Variants in MAN1A1 observed in about 807,000 individuals in gnomAD.
MAN1A1 encodes mannosidase alpha class 1A member 1.
A neutral mutation model predicts 70.8 loss-of-function variants in MAN1A1; 29 were observed. That is an observed-to-expected ratio of 0.41 (90% CI 0.31 to 0.56). The LOEUF is 0.56. Among genes scored for constraint, MAN1A1 ranks in the 20% least tolerant of loss-of-function variants. The pLI is 0.29. For synonymous variants in MAN1A1, 349 were observed against 330.1 expected (o/e 1.06, Z -0.62); for missense variants, 747 against 841.3 (o/e 0.89, Z 1.39).
intron 10 of MAN1A1, 23 bp downstream of exon 10, chr6:119,189,641 A>T (rs1392553034): frequency 2.5e-6 from 4 of 1,606,936 alleles, no homozygotes; most frequent in Non-Finnish European, 3.4e-6. Context: ...ATAGACCATA[A>T]ATGAAGAATA....
chr6:119,203,821 A>G (rs544731291), intron 7 of MAN1A1, among the ~76,000 whole-genome samples: 1 of 152,270 alleles, frequency 6.6e-6, no homozygotes, highest in East Asian at 1.9e-4. Flanking sequence ...GGAGATGTTT[A>G]ATAAACAGAT....
At chr6:119,217,561 C>T (rs559523413) in intron 6 of MAN1A1, among the ~76,000 whole-genome samples, 64 of 152,262 alleles carry the variant, frequency 4.2e-4, no homozygotes, top group African/African-American at 1.5e-3. Flanking sequence ...CCACTGCGCT[C>T]GGCAGCAAAT....
chr6:119,206,040 G>C (rs1773850852), intron 6 of MAN1A1, among the ~76,000 whole-genome samples: 1 of 152,186 alleles, frequency 6.6e-6, no homozygotes, highest in South Asian at 2.1e-4. Context: ...GATCACAGAA[G>C]ACTTCTTCAA....
intron 7 of MAN1A1, among the ~76,000 whole-genome samples, chr6:119,203,901 G>A (rs1474552765): frequency 6.6e-6 from 1 of 152,084 alleles, no homozygotes; most frequent in East Asian, 1.9e-4. Flanking sequence ...TATAGAGATG[G>A]TATGTAAAGC....
At chr6:119,185,663 G>A (rs1180661323) in intron 11 of MAN1A1, among the ~76,000 whole-genome samples, 1 of 151,560 alleles carries the variant, frequency 6.6e-6, no homozygotes, top group African/African-American at 2.4e-5. Flanking sequence ...TGCAAGCTCC[G>A]CCTCCTGGGT....
chr6:119,324,458 T>A (rs1773097237), intron 2 of MAN1A1, among the ~76,000 whole-genome samples: 1 of 152,114 alleles, frequency 6.6e-6, no homozygotes, highest in African/African-American at 2.4e-5. Flanking sequence ...GCATGAGGGG[T>A]TGGTGCCCCA....
intron 5 of MAN1A1, among the ~76,000 whole-genome samples, chr6:119,248,704 A>G (rs1172330562): frequency 6.6e-6 from 1 of 152,176 alleles, no homozygotes; most frequent in Non-Finnish European, 1.5e-5. Flanking sequence ...GGTGATTTCA[A>G]TGTGCAAGCC....
chr6:119,349,239 C>T lies in MAN1A1; in HGVS notation c.-174G>A, dbSNP rs1264520851. The T allele has an allele frequency of 1.7e-6, 2 of 1,211,110 alleles. No individual in the cohort carries two copies. Among genetic ancestry groups the T allele is most frequent in the Non-Finnish European group, 2.1e-6 (2 of 975,066 alleles). The allele number at this position is 1,211,110 out of a possible 1,614,324, so 75.0% of individuals were successfully genotyped here. On this transcript the variant is annotated 5_prime_UTR_variant, in exon 2 of 13. Transcript: ENST00000368468. ...TCCGCGCCGGGTCTTCTCCCCGGGGCGGCTCCTCGGGCACACAGGCACGCG... is the reference window on the plus strand; with the variant it reads ...TCCGCGCCGGGTCTTCTCCCCGGGGTGGCTCCTCGGGCACACAGGCACGCG...
intron 3 of MAN1A1, among the ~76,000 whole-genome samples, chr6:119,302,386 CTT>C (rs796260056): frequency 6.1e-5 from 9 of 146,780 alleles, no homozygotes; most frequent in African/African-American, 9.9e-5. Flanking sequence ...CATTCTCTCT[CTT>C]TTTTTTTTTT....
chr6:119,189,900 T>A lies in MAN1A1; in HGVS notation c.1327-17A>T. On this transcript the variant is annotated splice_polypyrimidine_tract_variant and intron_variant, in intron 9 of 12. Coordinates refer to ENST00000368468, the MANE Select transcript of MAN1A1 (RefSeq NM_005907.4). ...CTCGATAGCCTGTGAAAAACACTTA[T>A]TTTTTAACATTTTGTAATCTCTTCT... 2.5e-6 allele frequency: 4 copies of A among 1,576,228 alleles called. No individual in the cohort carries two copies. The highest frequency in any genetic ancestry group is 3.5e-6 in the Non-Finnish European group (4 of 1,147,760).
At chr6:119,336,936 C>T (rs1249000305) in intron 2 of MAN1A1, among the ~76,000 whole-genome samples, 4 of 151,986 alleles carry the variant, frequency 2.6e-5, no homozygotes, top group Admixed American at 1.3e-4. Context: ...ACTCTACCTA[C>T]TTTAAAAATA....
At chr6:119,204,504 G>C (rs552658419) in intron 7 of MAN1A1, among the ~76,000 whole-genome samples, 1 of 152,294 alleles carries the variant, frequency 6.6e-6, no homozygotes, top group Admixed American at 6.5e-5. Flanking sequence ...CTTCAGATGA[G>C]TTAAGTAACT....
chr6:119,302,919 A>G (rs900784854), intron 3 of MAN1A1, among the ~76,000 whole-genome samples: 1 of 152,152 alleles, frequency 6.6e-6, no homozygotes, highest in African/African-American at 2.4e-5. Context: ...TCTGTGGTTT[A>G]TTTCCTCTGA....
chr6:119,235,212 A>T (rs1229254917), intron 6 of MAN1A1, among the ~76,000 whole-genome samples: 1 of 152,216 alleles, frequency 6.6e-6, no homozygotes. Context: ...CATGCCTCTC[A>T]CCTTAAATCA....
At chr6:119,201,155 A>G in intron 8 of MAN1A1, 99 bp downstream of exon 8, 2 of 877,748 alleles carry the variant, frequency 2.3e-6, no homozygotes, top group Non-Finnish European at 3.7e-6. Context: ...CTCCTTTTCT[A>G]AACATTTCTC....
chr6:119,312,364 T>C (rs889029089), intron 2 of MAN1A1, among the ~76,000 whole-genome samples: 3 of 152,220 alleles, frequency 2.0e-5, no homozygotes, highest in Non-Finnish European at 2.9e-5. Context: ...TTTAGGGTCA[T>C]TGAATTAACC....
chr6:119,226,535 A>G (rs1774519041), intron 6 of MAN1A1, among the ~76,000 whole-genome samples: 1 of 152,240 alleles, frequency 6.6e-6, no homozygotes, highest in Admixed American at 6.5e-5. Context: ...TATTTTAGAC[A>G]CATCTTCCCA....
At chr6:119,272,745 T>C (rs981543716) in intron 5 of MAN1A1, among the ~76,000 whole-genome samples, 4 of 152,158 alleles carry the variant, frequency 2.6e-5, no homozygotes, top group Non-Finnish European at 4.4e-5. Context: ...TATGAATGTG[T>C]GTGTGTTTTC....
chr6:119,186,351 G>A (rs981457521), intron 11 of MAN1A1, among the ~76,000 whole-genome samples: 5 of 152,142 alleles, frequency 3.3e-5, no homozygotes, highest in African/African-American at 1.2e-4. Context: ...TAAAGCATGA[G>A]ACAAGGGTTG....
Sources: gnomAD v4.1 joint callset for allele counts (sites outside exome capture counted in the v4.1 genomes callset) on GRCh38, gnomAD v4.1.1 for gene constraint, MANE v1.5 for transcripts, NCBI Gene and HGNC (gene_info 2026-07-23, HGNC 2026-07-21) for gene names.